Variants in DTD1 observed in about 807,000 individuals in gnomAD.
DTD1 encodes the protein D-tyrosyl-tRNA deacylase 1 homolog.
Under a neutral mutation model 25.6 loss-of-function variants are expected in DTD1, and 13 were observed. The ratio of observed to expected loss-of-function variants is 0.51; its 90% CI spans 0.33 to 0.81. The LOEUF is 0.81. Among genes scored for constraint, DTD1 ranks in the 30% least tolerant of loss-of-function variants. DTD1 has a pLI of 0.02. For synonymous variants in DTD1, 110 were observed against 103.6 expected, an observed-to-expected ratio of 1.06 and a Z score of -0.37; for missense variants, 193 against 266.4, an observed-to-expected ratio of 0.72 and a Z score of 1.92.
At chr20:18,697,719 C>T (rs566867646) in intron 4 of DTD1, among the ~76,000 whole-genome samples, 2 of 152,348 alleles carry the variant, frequency 1.3e-5, no homozygotes, top group East Asian at 1.9e-4. Context: ...GAGTCTCGCT[C>T]TTTCGCCCAG....
At chr20:18,598,483 G>T (rs2060620676) in intron 3 of DTD1, among the ~76,000 whole-genome samples, 1 of 151,850 alleles carries the variant, frequency 6.6e-6, no homozygotes. Flanking sequence ...AGTCCTTTGG[G>T]TGTATACTCA....
In DTD1 at chr20:18,653,122, C is replaced by T. The variant is rs1035720852; in HGVS notation, c.477+24889C>T. 3.3e-5 allele frequency among the ~76,000 whole-genome samples: 5 copies of T among 152,284 alleles called. No individual in the cohort carries two copies. The East Asian group carries it at 9.7e-4, about 29-fold the overall frequency. ...ATTAATTAATTAATTAAAGAACAGGCCAGGCACAGTGGCTCATGCCTGTGA... is the reference window on the plus strand; with the variant it reads ...ATTAATTAATTAATTAAAGAACAGGTCAGGCACAGTGGCTCATGCCTGTGA... On this transcript the variant is annotated intron_variant, in intron 4 of 5. Coordinates refer to ENST00000377452, the MANE Select transcript of DTD1 (RefSeq NM_080820.6).
At chr20:18,680,825 C>T (rs577443053) in intron 4 of DTD1, among the ~76,000 whole-genome samples, 11 of 152,106 alleles carry the variant, frequency 7.2e-5, no homozygotes, top group African/African-American at 2.2e-4. Flanking sequence ...GAGTAGATGA[C>T]GGGTTAAACT....
chr20:18,658,663 A>G (rs188164986), intron 4 of DTD1, among the ~76,000 whole-genome samples: 177 of 152,368 alleles, frequency 1.2e-3, no homozygotes, highest in African/African-American at 4.0e-3. Context: ...AGTAAGTTGT[A>G]GGAAGAGGAA....
intron 4 of DTD1, among the ~76,000 whole-genome samples, chr20:18,724,608 A>G (rs2061216868): frequency 6.6e-6 from 1 of 152,228 alleles, no homozygotes; most frequent in Admixed American, 6.5e-5. Context: ...TAATGTGTGA[A>G]TATCACCTTA....
chr20:18,708,252 T>TAA lies in DTD1; in HGVS notation c.478-35848_478-35847insAA, dbSNP rs1555801971. ...ATATTTTATATATATATAATATATATTATATATATATTTTATATATATATA... is the reference window on the plus strand; with the variant it reads ...ATATTTTATATATATATAATATATATAATATATATATATTTTATATATATATA... On this transcript the variant is annotated intron_variant, in intron 4 of 5. Transcript: ENST00000377452. Among the ~76,000 whole-genome samples, 181 of 31,762 alleles carry TAA rather than the reference T, an allele frequency of 5.7e-3. 6 individuals are homozygous for TAA. The highest frequency in any genetic ancestry group is 0.016 in the Middle Eastern group (1 of 62). 20.8% of individuals were successfully genotyped at this position (31,762 alleles called of 152,430 possible).
chr20:18,755,808 A>C (rs1793850784), intron 5 of DTD1, among the ~76,000 whole-genome samples: 1 of 152,116 alleles, frequency 6.6e-6, no homozygotes, highest in African/African-American at 2.4e-5. Flanking sequence ...GCTGGGTCAA[A>C]TGGTATTTCT....
At chr20:18,661,760 C>T (rs546097912) in intron 4 of DTD1, among the ~76,000 whole-genome samples, 3 of 152,206 alleles carry the variant, frequency 2.0e-5, no homozygotes, top group Non-Finnish European at 2.9e-5. Flanking sequence ...ATAAAGAGCA[C>T]CTACAAATCA....
At chr20:18,661,978 C>T (rs552820608) in intron 4 of DTD1, among the ~76,000 whole-genome samples, 5 of 152,114 alleles carry the variant, frequency 3.3e-5, no homozygotes, top group African/African-American at 1.2e-4. Context: ...ATAGTGAGAC[C>T]CTGTCTCTAC....
At chr20:18,716,794 T>C (rs1471515987) in intron 4 of DTD1, among the ~76,000 whole-genome samples, 2 of 152,224 alleles carry the variant, frequency 1.3e-5, no homozygotes, top group Non-Finnish European at 2.9e-5. Flanking sequence ...GAAGCCTTAC[T>C]GGTAACATCA....
intron 4 of DTD1, among the ~76,000 whole-genome samples, chr20:18,670,968 G>A (rs2060949745): frequency 6.6e-6 from 1 of 152,188 alleles, no homozygotes; most frequent in Non-Finnish European, 1.5e-5. Context: ...TGGGTGTGCT[G>A]GCCATTCTTG....
chr20:18,647,801 C>T (rs1266935229), intron 4 of DTD1, among the ~76,000 whole-genome samples: 4 of 152,086 alleles, frequency 2.6e-5, no homozygotes, highest in African/African-American at 9.7e-5. Flanking sequence ...CTGTGACCCT[C>T]TTGTAGCAGG....
chr20:18,741,921 T>G (rs1318637800), intron 4 of DTD1, among the ~76,000 whole-genome samples: 4 of 116,544 alleles, frequency 3.4e-5, no homozygotes, highest in African/African-American at 1.3e-4. Flanking sequence ...TTTTTTTTTG[T>G]AGAGACAGGG....
At chr20:18,651,673 C>T (rs910837802) in intron 4 of DTD1, among the ~76,000 whole-genome samples, 5 of 152,210 alleles carry the variant, frequency 3.3e-5, no homozygotes, top group East Asian at 1.9e-4. Context: ...CTCCCCAAAA[C>T]GGTTCAGTGA....
chr20:18,736,671 T>A (rs1174773128), intron 4 of DTD1, among the ~76,000 whole-genome samples: 5 of 152,228 alleles, frequency 3.3e-5, no homozygotes, highest in African/African-American at 9.6e-5. Flanking sequence ...CAAGAGCCTC[T>A]GTTTTTTTCT....
intron 4 of DTD1, among the ~76,000 whole-genome samples, chr20:18,719,245 A>ATG (rs34218213): frequency 0.25 from 37,853 of 148,996 alleles, 4,835 homozygotes; most frequent in Middle Eastern, 0.32. Context: ...GTATATATAT[A>ATG]TGTGTGTGTG....
intron 4 of DTD1, among the ~76,000 whole-genome samples, chr20:18,730,511 T>C (rs2034615646): frequency 6.6e-6 from 1 of 152,240 alleles, no homozygotes; most frequent in Non-Finnish European, 1.5e-5. Context: ...TCATAAGTTA[T>C]ATCTTATTGT....
intron 4 of DTD1, among the ~76,000 whole-genome samples, chr20:18,689,079 T>C (rs375568028): frequency 1.3e-5 from 2 of 152,340 alleles, no homozygotes. Flanking sequence ...GTTTAATGCG[T>C]GGACCGTAAT....
chr20:18,649,434 G>C (rs538228042), intron 4 of DTD1, among the ~76,000 whole-genome samples: 49 of 141,846 alleles, frequency 3.5e-4, no homozygotes, highest in African/African-American at 1.3e-3. Flanking sequence ...CGCCTCCCGG[G>C]TTCACGCCAT....
Sources: allele counts gnomAD v4.1 joint callset (sites outside exome capture counted in the v4.1 genomes callset), GRCh38; gene constraint gnomAD v4.1.1; transcripts MANE v1.5; gene names NCBI Gene and HGNC (gene_info 2026-07-23, HGNC 2026-07-21).